MAD1L1: variants seen among roughly 807,000 people sequenced by gnomAD.
MAD1L1 encodes mitotic spindle assembly checkpoint protein MAD1.
A neutral mutation model predicts 96.9 loss-of-function variants in MAD1L1; 95 were observed. The observed-to-expected ratio is 0.98, with a 90% CI of 0.83 to 1.16. The LOEUF is 1.16. Among genes scored for constraint, MAD1L1 ranks in the 50% most tolerant of loss-of-function variants. The pLI is 0.00. For synonymous variants in MAD1L1, 473 were observed against 396.6 expected (o/e 1.19, Z -2.29); for missense variants, 1,007 against 954.4 (o/e 1.06, Z -0.73).
At chr7:1,841,377 C>T (rs1284628968) in intron 18 of MAD1L1, among the ~76,000 whole-genome samples, 1 of 152,136 alleles carries the variant, frequency 6.6e-6, no homozygotes, top group Non-Finnish European at 1.5e-5. Context: ...TCATTCACAG[C>T]CCGACAGCAC....
At chr7:1,930,699 C>T (rs1042800630) in intron 17 of MAD1L1, among the ~76,000 whole-genome samples, 5 of 151,530 alleles carry the variant, frequency 3.3e-5, no homozygotes, top group Admixed American at 2.0e-4. Flanking sequence ...TGCTGACCCC[C>T]GAGATGCTGG....
At chr7:1,912,352 A>G (rs901040902) in intron 17 of MAD1L1, among the ~76,000 whole-genome samples, 1 of 152,238 alleles carries the variant, frequency 6.6e-6, no homozygotes, top group African/African-American at 2.4e-5. Flanking sequence ...AAACTCTGGT[A>G]AAAGGAAGCA....
intron 12 of MAD1L1, among the ~76,000 whole-genome samples, chr7:2,045,262 T>G (rs966851890): frequency 3.3e-5 from 5 of 152,062 alleles, no homozygotes; most frequent in Admixed American, 3.3e-4. Context: ...AGCCCCCGTA[T>G]CCCTGTGAGA....
At chr7:2,072,140 G>C (rs1359185783) in intron 11 of MAD1L1, among the ~76,000 whole-genome samples, 1 of 152,234 alleles carries the variant, frequency 6.6e-6, no homozygotes, top group South Asian at 2.1e-4. Context: ...AGCACCAGAA[G>C]GTGGGGACTG....
At chr7:1,857,606 C>A (rs568646641) in intron 18 of MAD1L1, among the ~76,000 whole-genome samples, 4 of 152,192 alleles carry the variant, frequency 2.6e-5, no homozygotes, top group Non-Finnish European at 4.4e-5. Flanking sequence ...CGAGGATGAG[C>A]CCCTGGACCA....
chr7:2,031,636 G>C (rs1326444505), intron 12 of MAD1L1, among the ~76,000 whole-genome samples: 1 of 152,250 alleles, frequency 6.6e-6, no homozygotes, highest in African/African-American at 2.4e-5. Flanking sequence ...GCACATCTGG[G>C]AGGGCACTGG....
intron 12 of MAD1L1, among the ~76,000 whole-genome samples, chr7:2,032,454 G>A (rs868534704): frequency 3.9e-4 from 59 of 152,306 alleles, no homozygotes; most frequent in African/African-American, 7.2e-4. Flanking sequence ...GTGACCCCAC[G>A]AGTCCTGAAA....
intron 12 of MAD1L1, among the ~76,000 whole-genome samples, chr7:2,015,591 T>C (rs1361282187): frequency 6.6e-6 from 1 of 152,254 alleles, no homozygotes; most frequent in African/African-American, 2.4e-5. Flanking sequence ...TCCCATTGCC[T>C]GCACTCCCTG....
At chr7:2,039,438 G>A (rs970320344) in intron 12 of MAD1L1, among the ~76,000 whole-genome samples, 1 of 152,200 alleles carries the variant, frequency 6.6e-6, no homozygotes, top group Non-Finnish European at 1.5e-5. Flanking sequence ...AAACCCTCGA[G>A]CTGGTTCCAG....
intron 11 of MAD1L1, among the ~76,000 whole-genome samples, chr7:2,131,848 C>G (rs1788523318): frequency 6.6e-6 from 1 of 152,234 alleles, no homozygotes; most frequent in Non-Finnish European, 1.5e-5. Context: ...TGACAAGGGA[C>G]CTGCTTCCTT....
chr7:2,067,602 AC>A (rs1339513436), intron 12 of MAD1L1, among the ~76,000 whole-genome samples: 1 of 151,848 alleles, frequency 6.6e-6, no homozygotes, highest in East Asian at 1.9e-4. Context: ...GTCAGCCCAA[AC>A]CCCCGCAGTG....
intron 10 of MAD1L1, among the ~76,000 whole-genome samples, chr7:2,192,343 G>A (rs1437357458): frequency 6.6e-6 from 1 of 152,104 alleles, no homozygotes. Context: ...TGTTTGCCAG[G>A]CTGGTCTCGA....
At chr7:2,165,327 G>A (rs1790372985) in intron 10 of MAD1L1, among the ~76,000 whole-genome samples, 1 of 152,230 alleles carries the variant, frequency 6.6e-6, no homozygotes, top group Admixed American at 6.5e-5. Flanking sequence ...CGGGAACTCT[G>A]GACTGATAGA....
chr7:1,977,835 G>A (rs567149163), intron 15 of MAD1L1, among the ~76,000 whole-genome samples: 19 of 152,358 alleles, frequency 1.2e-4, no homozygotes, highest in Admixed American at 3.9e-4. Context: ...AGGCTCCTGC[G>A]TGGGCAGCCA....
intron 12 of MAD1L1, among the ~76,000 whole-genome samples, chr7:2,051,032 T>A (rs2128517579): frequency 6.6e-6 from 1 of 152,364 alleles, no homozygotes; most frequent in South Asian, 2.1e-4. Context: ...GATTTGGATT[T>A]CTTCGAAACT....
chr7:1,849,991 AGAAACAGCCCCGCTTT>A (rs1184495326), intron 18 of MAD1L1: 3 of 152,244 alleles, frequency 2.0e-5, no homozygotes, highest in African/African-American at 7.2e-5. Flanking sequence ...CCTCCAAGGA[AGAAACAGCCCCGCTTT>A]GATTAGGAAA....
intron 12 of MAD1L1, among the ~76,000 whole-genome samples, chr7:2,032,274 T>C (rs938727074): frequency 6.6e-6 from 1 of 152,206 alleles, no homozygotes. Context: ...TGAGGCAGGC[T>C]GGAGTCCTCC....
chr7:2,139,606 C>A (rs1788926187), intron 11 of MAD1L1, among the ~76,000 whole-genome samples: 1 of 151,654 alleles, frequency 6.6e-6, no homozygotes, highest in African/African-American at 2.4e-5. Flanking sequence ...ACTCCACAGC[C>A]ACAGAGGACA....
rs573313082 is a variant in MAD1L1 at position 1,836,217 on chromosome 7, T to C, written c.1999-19989A>G. Among the ~76,000 whole-genome samples the C allele has an allele frequency of 2.6e-5, 4 of 152,222 alleles. No homozygotes were observed. In the East Asian group the frequency reaches 7.8e-4, roughly 30 times the overall value. ...TTGTATTTTTAGTAGAGATGGGGTT[T>C]TACCATGTTGGTCAGGCTGTTCTTG... is the stretch of plus-strand genomic sequence containing the variant. On this transcript the variant is annotated intron_variant, in intron 18 of 18. Transcript: ENST00000265854.
Sources: gnomAD v4.1 joint callset for allele counts (sites outside exome capture counted in the v4.1 genomes callset) on GRCh38, gnomAD v4.1.1 for gene constraint, MANE v1.5 for transcripts, NCBI Gene and HGNC (gene_info 2026-07-23, HGNC 2026-07-21) for gene names.